DST: variants seen among roughly 807,000 people sequenced by gnomAD.
DST encodes the protein bullous pemphigoid antigen.
A neutral mutation model predicts 875.2 loss-of-function variants in DST; 253 were observed. The observed-to-expected ratio is 0.29, with a 90% CI of 0.26 to 0.32. The LOEUF is 0.32. Ranked by LOEUF, DST falls within the 10% of genes least tolerant of loss-of-function variation. The pLI is 1.00. For synonymous variants in DST, 3,124 were observed against 3,197.1 expected, an observed-to-expected ratio of 0.98 and a Z score of 0.77; for missense variants, 8,287 against 9,111.6, an observed-to-expected ratio of 0.91 and a Z score of 3.68.
intron 2 of DST, among the ~76,000 whole-genome samples, chr6:56,904,055 A>C (rs1795291247): frequency 6.6e-6 from 1 of 152,244 alleles, no homozygotes; most frequent in South Asian, 2.1e-4. Context: ...AGGGTTGCTG[A>C]AAAGAATAAA....
At chr6:56,543,320 A>G (rs935079005) in intron 61 of DST, among the ~76,000 whole-genome samples, 1 of 152,176 alleles carries the variant, frequency 6.6e-6, no homozygotes, top group Non-Finnish European at 1.5e-5. Flanking sequence ...TCCCTTTTGA[A>G]GCCCAAGTTC....
intron 4 of DST, among the ~76,000 whole-genome samples, chr6:56,750,557 G>C (rs1224153577): frequency 1.3e-5 from 2 of 152,074 alleles, no homozygotes; most frequent in Non-Finnish European, 2.9e-5. Context: ...TCATGAGAAA[G>C]TAACATAGTC....
Position 56,497,839 on chromosome 6 carries a change from T to C in DST, c.20094+17A>G. The C allele has an allele frequency of 2.5e-6, 4 of 1,574,652 alleles. No homozygotes were observed. The highest frequency in any genetic ancestry group is 3.4e-6 in the Non-Finnish European group (4 of 1,162,326). On this transcript the variant is annotated intron_variant, in intron 81 of 103. Transcript: ENST00000680361. ...TTGAATGCTATAAAAACTTTCAGAA[T>C]TTATTCTCTTACTCACCTGGCGCAA...
intron 13 of DST, among the ~76,000 whole-genome samples, chr6:56,646,540 C>T (rs569957154): frequency 6.6e-6 from 1 of 151,920 alleles, no homozygotes; most frequent in Admixed American, 6.6e-5. Flanking sequence ...AGCTTTCAGT[C>T]TTTGGAAAAA....
intron 36 of DST, chr6:56,618,854 G>C: frequency 6.2e-7 from 1 of 1,614,038 alleles, no homozygotes; most frequent in Middle Eastern, 1.6e-4. Context: ...CTCCTCTATG[G>C]TCTTTAAGTG....
At chr6:56,765,427 G>C (rs761319842) in intron 4 of DST, among the ~76,000 whole-genome samples, 5 of 152,194 alleles carry the variant, frequency 3.3e-5, no homozygotes, top group African/African-American at 7.2e-5. Context: ...CAAGGAAGAA[G>C]TCAGGTAGAA....
In DST at chr6:56,513,304, C is replaced by T. The variant is rs182414606; in HGVS notation, c.18577-1904G>A. Among the ~76,000 whole-genome samples the T allele has an allele frequency of 1.8e-3, 280 of 151,414 alleles. 1 individual carries two copies. Among genetic ancestry groups the T allele is most frequent in the African/African-American group, 6.3e-3 (258 of 41,242 alleles). On this transcript the variant is annotated intron_variant, in intron 72 of 103. Coordinates refer to ENST00000680361, the MANE Select transcript of DST (RefSeq NM_001374736.1). Reference sequence around the variant, plus strand: ...GGAGTGCCGTGGCACGATCTTGGCTCACCACAACCTCCGCCTCCCAGGTTC... The same window carrying T: ...GGAGTGCCGTGGCACGATCTTGGCTTACCACAACCTCCGCCTCCCAGGTTC...
intron 2 of DST, among the ~76,000 whole-genome samples, chr6:56,938,981 T>C (rs1814799166): frequency 6.6e-6 from 1 of 152,252 alleles, no homozygotes. Flanking sequence ...AAATGATTAA[T>C]GTCTAAGTTA....
chr6:56,748,134 A>G (rs2152948304), intron 4 of DST, among the ~76,000 whole-genome samples: 1 of 152,322 alleles, frequency 6.6e-6, no homozygotes, highest in African/African-American at 2.4e-5. Flanking sequence ...ATATACCAAC[A>G]TAAGTTCATT....
In DST at chr6:56,604,750, C is replaced by T. The variant is rs201784474; in HGVS notation, c.9878G>A (p.Arg3293Gln). 9.9e-6 allele frequency: 16 copies of T among 1,612,606 alleles called. No individual in the cohort carries two copies. Among genetic ancestry groups the T allele is most frequent in the East Asian group, 8.9e-5 (4 of 44,844 alleles). ...ATCATTTCCTAATCCATTTGCACAC[C>T]GCTCCGACTGCAGAAAATCATTTTT... ...VGKNDFLQSERCANGLGNDNS... is the reference protein window; with the variant it reads ...VGKNDFLQSEQCANGLGNDNS... Residue 3293 changes from arginine to glutamine, a missense_variant, in exon 40 of 104, where the codon CGG (arginine) becomes CAG (glutamine). Physicochemically the swap from Arg to Gln is conservative, Grantham distance 43. Coordinates refer to ENST00000680361, the MANE Select transcript of DST (RefSeq NM_001374736.1).
intron 3 of DST, among the ~76,000 whole-genome samples, chr6:56,865,267 G>A (rs1213807660): frequency 6.8e-6 from 1 of 146,508 alleles, no homozygotes; most frequent in African/African-American, 2.7e-5. Flanking sequence ...TTTTCTGTGT[G>A]TGTGTGTGTG....
At chr6:56,804,351 A>G (rs901629451) in intron 4 of DST, among the ~76,000 whole-genome samples, 11 of 152,174 alleles carry the variant, frequency 7.2e-5, no homozygotes, top group African/African-American at 2.7e-4. Context: ...TTAAAAATAA[A>G]TGTTAAAAAA....
At chr6:56,754,054 T>C (rs1289908468) in intron 4 of DST, among the ~76,000 whole-genome samples, 2 of 152,194 alleles carry the variant, frequency 1.3e-5, no homozygotes, top group Non-Finnish European at 1.5e-5. Context: ...ATTCACTTCA[T>C]ACCACTGATA....
chr6:56,577,593 C>T (rs1228032405), intron 50 of DST, among the ~76,000 whole-genome samples: 1 of 152,018 alleles, frequency 6.6e-6, no homozygotes, highest in Non-Finnish European at 1.5e-5. Flanking sequence ...ACAGGATTTC[C>T]CTTTTACACA....
rs1008635927 is a variant in DST, at chr6:56,694,675, T to G, written c.1047+4978A>C. ...CAATCCTTCCCTCCATCTCTGCTGA[T>G]GAAGTTTAGATATTTGTCCCCTCCA... On this transcript the variant is annotated intron_variant, in intron 9 of 103. Transcript: ENST00000680361. 1.1e-4 allele frequency among the ~76,000 whole-genome samples: 17 copies of G among 152,254 alleles called. No homozygotes were observed. The East Asian group carries it at 3.3e-3, about 29-fold the overall frequency.
Position 56,941,954 on chromosome 6 carries a change from C to T in DST, c.216+11831G>A, listed in dbSNP as rs750456822. Among the ~76,000 whole-genome samples the T allele has an allele frequency of 3.3e-5, 5 of 152,080 alleles. No homozygotes were observed. In the East Asian group the frequency reaches 5.8e-4, roughly 18 times the overall value. On this transcript the variant is annotated intron_variant, in intron 2 of 103. Coordinates refer to ENST00000680361, the MANE Select transcript of DST (RefSeq NM_001374736.1). Reference sequence around the variant, plus strand: ...CTATGATTACAGCATTGTCTAATTCCGCCTTTACTTTTGAAATGTTTATGT... The same window carrying T: ...CTATGATTACAGCATTGTCTAATTCTGCCTTTACTTTTGAAATGTTTATGT...
At chr6:56,822,794 T>G (rs2099774595) in intron 4 of DST, among the ~76,000 whole-genome samples, 1 of 151,900 alleles carries the variant, frequency 6.6e-6, no homozygotes, top group Non-Finnish European at 1.5e-5. Context: ...AAAAAAAAGC[T>G]ACACTATTAT....
At chr6:56,590,868 C>T (rs2098260295) in intron 49 of DST, among the ~76,000 whole-genome samples, 1 of 152,214 alleles carries the variant, frequency 6.6e-6, no homozygotes. Flanking sequence ...TATTAACCTG[C>T]CACATTTCAC....
chr6:56,774,992 CAA>C (rs71549720), intron 4 of DST, among the ~76,000 whole-genome samples: 150 of 52,272 alleles, frequency 2.9e-3, no homozygotes, highest in African/African-American at 6.6e-3. Context: ...AACTCCATCT[CAA>C]AAAAAAAAAA....
Sources: allele counts gnomAD v4.1 joint callset (sites outside exome capture counted in the v4.1 genomes callset), GRCh38; gene constraint gnomAD v4.1.1; transcripts MANE v1.5; gene names NCBI Gene and HGNC (gene_info 2026-07-23, HGNC 2026-07-21).